ATF6: variants seen among roughly 807,000 people sequenced by gnomAD.
ATF6 encodes the protein activating transcription factor 6.
In ATF6, 53 loss-of-function variants were observed where a neutral mutation model predicts 83.6. The observed-to-expected ratio is 0.63, with a 90% confidence interval of 0.51 to 0.80. The LOEUF (loss-of-function observed/expected upper bound fraction) is 0.80. Among genes scored for constraint, ATF6 ranks in the 30% least tolerant of loss-of-function variants. The pLI is 0.00. For missense variants in ATF6, 744 were observed against 797.9 expected, an observed-to-expected ratio of 0.93 and a Z score of 0.81; for synonymous variants, 288 against 285.8, an observed-to-expected ratio of 1.01 and a Z score of -0.08.
intron 14 of ATF6, among the ~76,000 whole-genome samples, chr1:161,906,106 T>G (rs997386589): frequency 6.6e-6 from 1 of 152,212 alleles, no homozygotes; most frequent in African/African-American, 2.4e-5. Flanking sequence ...GTGCTGGGAT[T>G]ATAGGCGTGA....
chr1:161,822,542 T>A (rs981787033), intron 9 of ATF6, among the ~76,000 whole-genome samples: 36 of 151,428 alleles, frequency 2.4e-4, no homozygotes, highest in South Asian at 4.2e-4. Flanking sequence ...ATCTCTTTTT[T>A]AAAAAAAAAC....
chr1:161,866,475 C>G (rs1459859847), intron 14 of ATF6, among the ~76,000 whole-genome samples: 2 of 152,164 alleles, frequency 1.3e-5, no homozygotes, highest in African/African-American at 4.8e-5. Context: ...AGACAAAGGT[C>G]CAAAGTGCTT....
chr1:161,807,865 C>CTTTTTTTTTTTTTTTTT (rs761462420), intron 7 of ATF6, among the ~76,000 whole-genome samples: 5 of 32,344 alleles, frequency 1.5e-4, no homozygotes, highest in Non-Finnish European at 2.3e-4. Context: ...AGTTTGTCAT[C>CTTTTTTTTTTTTTTTTT]TTTTTTTTTT....
At position 161,791,445 on chromosome 1, in the gene ATF6, C is replaced by G. The variant is rs748138860; in HGVS notation, c.392C>G (p.Pro131Arg). ...TTGTCTTCTAGTTCTCAGATGTCTC[C>G]CCTTTCCTTATATGGTGAAAACTCT... is the stretch of plus-strand genomic sequence containing the variant. The part of the protein sequence containing the change: ...LDLSSSSQMS[P>R]LSLYGENSNS... Residue 131 changes from proline to arginine, a missense_variant, in exon 5 of 16, where the codon CCC becomes CGC. Physicochemically the swap from Pro to Arg is moderately radical, Grantham distance 103. Coordinates refer to ENST00000367942, the MANE Select transcript of ATF6 (RefSeq NM_007348.4). 1 of 1,611,824 alleles carries G rather than the reference C, an allele frequency of 6.2e-7. No individual in the cohort carries two copies. The highest frequency in any genetic ancestry group is 1.7e-5 in the Admixed American group (1 of 59,648).
At position 161,962,508 on chromosome 1, in the gene ATF6, C is replaced by A. The variant is rs545310792; in HGVS notation, c.*3854C>A. On this transcript the variant is annotated 3_prime_UTR_variant, in exon 16 of 16. Coordinates refer to ENST00000367942, the MANE Select transcript of ATF6 (RefSeq NM_007348.4). Reference sequence around the variant, plus strand: ...ATTTTACCAAGCTTAGGTTGTGAAACTTGACAGAAATGTATTACAGGAAAA... The same window carrying A: ...ATTTTACCAAGCTTAGGTTGTGAAAATTGACAGAAATGTATTACAGGAAAA... The A allele has an allele frequency of 5.3e-5, 8 of 152,310 alleles. No homozygotes were observed. The highest frequency in any genetic ancestry group is 1.9e-4 in the African/African-American group (8 of 41,564). 9.4% of individuals were successfully genotyped at this position (152,310 alleles called of 1,614,324 possible).
chr1:161,810,832 A>G (rs1241855684), intron 7 of ATF6, among the ~76,000 whole-genome samples: 5 of 151,918 alleles, frequency 3.3e-5, no homozygotes, highest in Non-Finnish European at 7.4e-5. Flanking sequence ...GTTGTCCCAG[A>G]CATTTCATAT....
Position 161,860,243 on chromosome 1 carries a change from G to T in ATF6, c.1570G>T (p.Ala524Ser), listed in dbSNP as rs763475941. 1 of 1,596,258 alleles carries T rather than the reference G, an allele frequency of 6.3e-7. No homozygotes were observed. Among genetic ancestry groups the T allele is most frequent in the South Asian group, 1.1e-5 (1 of 88,162 alleles). ...LEQGSNSQLM[A>S]VQYTETTSSI... ...ACAGGGCTCAAATTCTCAGCTGATG[G>T]CTGTTCAATACACAGAAACCACTAG... is the stretch of plus-strand genomic sequence containing the variant. Residue 524 changes from alanine (A) to serine (S), a missense_variant, in exon 13 of 16, where the codon GCT (alanine) becomes TCT (serine). Ala to Ser is a moderately conservative substitution (Grantham distance 99, BLOSUM62 1). Coordinates refer to ENST00000367942, the MANE Select transcript of ATF6 (RefSeq NM_007348.4).
intron 15 of ATF6, among the ~76,000 whole-genome samples, chr1:161,951,253 G>T (rs982825917): frequency 7.2e-5 from 11 of 152,306 alleles, no homozygotes; most frequent in Admixed American, 4.6e-4. Flanking sequence ...GAAGAGAAGT[G>T]ACTTTGATTG....
intron 15 of ATF6, among the ~76,000 whole-genome samples, chr1:161,913,259 G>C (rs1310335067): frequency 6.6e-6 from 1 of 152,108 alleles, no homozygotes; most frequent in African/African-American, 2.4e-5. Context: ...TGAAGAAGAT[G>C]GAAACGAAAA....
chr1:161,800,972 C>T (rs1685129985), intron 6 of ATF6, among the ~76,000 whole-genome samples: 1 of 152,292 alleles, frequency 6.6e-6, no homozygotes, highest in Non-Finnish European at 1.5e-5. Context: ...CATCTATAGG[C>T]ACTTTTTCTG....
intron 9 of ATF6, among the ~76,000 whole-genome samples, chr1:161,832,102 A>G (rs1686078963): frequency 6.6e-6 from 1 of 152,164 alleles, no homozygotes; most frequent in Non-Finnish European, 1.5e-5. Flanking sequence ...ACACTCTGAA[A>G]GACTATAGAT....
intron 1 of ATF6, among the ~76,000 whole-genome samples, chr1:161,768,181 G>A (rs1684310972): frequency 6.6e-6 from 1 of 152,140 alleles, no homozygotes; most frequent in Non-Finnish European, 1.5e-5. Context: ...GTATAACTGT[G>A]GGACACTTCC....
chr1:161,946,309 A>T (rs1194402532), intron 15 of ATF6, among the ~76,000 whole-genome samples: 1 of 152,172 alleles, frequency 6.6e-6, no homozygotes, highest in African/African-American at 2.4e-5. Context: ...CAGAGTCTTT[A>T]TCAAACAGAA....
intron 15 of ATF6, among the ~76,000 whole-genome samples, chr1:161,942,313 G>A (rs12750977): frequency 0.042 from 6,388 of 152,322 alleles, 163 homozygotes; most frequent in African/African-American, 0.062. Context: ...CCATAAGACT[G>A]TGAGGCAGTG....
Position 161,959,344 on chromosome 1 carries a change from G to A in ATF6, c.*690G>A, listed in dbSNP as rs1689038428. On this transcript the variant is annotated 3_prime_UTR_variant, in exon 16 of 16. Coordinates refer to ENST00000367942, the MANE Select transcript of ATF6 (RefSeq NM_007348.4). Reference sequence around the variant, plus strand: ...AAATAGAAGGGTAAGGGAAGGGCCAGTGGTGGGGTTTGGAGAGAGGAGATA... The same window carrying A: ...AAATAGAAGGGTAAGGGAAGGGCCAATGGTGGGGTTTGGAGAGAGGAGATA... 1 of 152,254 alleles carries A rather than the reference G, an allele frequency of 6.6e-6. No individual in the cohort carries two copies. The highest frequency in any genetic ancestry group is 2.1e-4 in the South Asian group (1 of 4,836). The allele number at this position is 152,254 out of a possible 1,614,324, so 9.4% of individuals were successfully genotyped here.
At chr1:161,891,873 G>A (rs1375299406) in intron 14 of ATF6, 1 of 152,202 alleles carries the variant, frequency 6.6e-6, no homozygotes, top group Non-Finnish European at 1.5e-5. Flanking sequence ...TTTGTGAGGA[G>A]AATGGGGACA....
chr1:161,827,347 C>A (rs1685929160), intron 9 of ATF6, among the ~76,000 whole-genome samples: 1 of 152,160 alleles, frequency 6.6e-6, no homozygotes, highest in African/African-American at 2.4e-5. Context: ...ATTTATTGAA[C>A]AAGTGTCACA....
At chr1:161,948,598 A>G (rs1032369780) in intron 15 of ATF6, among the ~76,000 whole-genome samples, 2 of 152,252 alleles carry the variant, frequency 1.3e-5, no homozygotes, top group African/African-American at 4.8e-5. Flanking sequence ...TTTAAAAAGT[A>G]AAATTTTAAA....
chr1:161,803,232 T>C (rs1483469234), intron 7 of ATF6, among the ~76,000 whole-genome samples: 2 of 152,232 alleles, frequency 1.3e-5, no homozygotes, highest in Non-Finnish European at 2.9e-5. Flanking sequence ...ACCCATTTAA[T>C]TATAAAATTG....
Sources: allele counts gnomAD v4.1 joint callset (sites outside exome capture counted in the v4.1 genomes callset), GRCh38; gene constraint gnomAD v4.1.1; transcripts MANE v1.5; gene names NCBI Gene and HGNC (gene_info 2026-07-23, HGNC 2026-07-21).